PLAAT2: variants seen among roughly 807,000 people sequenced by gnomAD.
PLAAT2 encodes the protein HRAS like suppressor 2.
Under a neutral mutation model 12.8 loss-of-function variants are expected in PLAAT2, and 12 were observed. The observed-to-expected ratio is 0.94, with a 90% CI of 0.60 to 1.52. The LOEUF (loss-of-function observed/expected upper bound fraction) is 1.52. Ranked by LOEUF, PLAAT2 falls within the 40% of genes most tolerant of loss-of-function variation. The pLI is 0.00. For missense variants in PLAAT2, 166 were observed against 208.1 expected (o/e 0.80, Z 1.24); for synonymous variants, 79 against 86.8 (o/e 0.91, Z 0.50).
upstream of PLAAT2, among the ~76,000 whole-genome samples, chr11:63,564,611 T>C (rs1004040857): frequency 2.6e-5 from 4 of 152,230 alleles, no homozygotes; most frequent in Admixed American, 6.5e-5. Context: ...AGACGGCCTC[T>C]CTCAGCACCT....
Position 63,552,912 on chromosome 11 carries a change from TAA to T in PLAAT2, c.*50_*51del, listed in dbSNP as rs1308070994. ...TAAACCAAACTCCACTCCTGCTGGC[TAA>T]ATAATATTCCTCCGTAAGAATTGGT... On this transcript the variant is annotated 3_prime_UTR_variant, in exon 4 of 4. Coordinates refer to ENST00000255695, the MANE Select transcript of PLAAT2 (RefSeq NM_017878.2). The T allele has an allele frequency of 1.4e-5, 17 of 1,243,080 alleles. No homozygotes were observed. The South Asian group carries it at 1.9e-4, about 14-fold the overall frequency. 77.0% of individuals were successfully genotyped at this position (1,243,080 alleles called of 1,614,324 possible).
chr11:63,557,290 C>T (rs564858339), intron 3 of PLAAT2, among the ~76,000 whole-genome samples: 43 of 152,192 alleles, frequency 2.8e-4, no homozygotes, highest in African/African-American at 1.0e-3. Context: ...CCAAGGGAGG[C>T]CGAGTCAAGG....
intron 3 of PLAAT2, among the ~76,000 whole-genome samples, chr11:63,553,325 C>T (rs773681064): frequency 6.6e-6 from 1 of 151,986 alleles, no homozygotes; most frequent in Non-Finnish European, 1.5e-5. Flanking sequence ...AGGAGGAAAA[C>T]CAGATGCACC....
intron 3 of PLAAT2, among the ~76,000 whole-genome samples, chr11:63,555,569 G>C (rs1034117497): frequency 1.3e-5 from 2 of 152,246 alleles, no homozygotes; most frequent in Middle Eastern, 3.4e-3. Context: ...GCGTGTGCCT[G>C]TAGTCCCATC....
At position 63,556,712 on chromosome 11, in the gene PLAAT2, C is replaced by T. The variant is rs189346575; in HGVS notation, c.387+1680G>A. 7.9e-5 allele frequency among the ~76,000 whole-genome samples: 12 copies of T among 152,318 alleles called. No individual in the cohort carries two copies. In the East Asian group the frequency reaches 2.3e-3, roughly 29 times the overall value. ...CCCCTTTTTATCACCTCTCCTTCTC[C>T]TATCATACAACAGAACAGCTAAATC... On this transcript the variant is annotated intron_variant, in intron 3 of 3. Coordinates refer to ENST00000255695, the MANE Select transcript of PLAAT2 (RefSeq NM_017878.2).
intron 3 of PLAAT2, among the ~76,000 whole-genome samples, chr11:63,557,317 G>T (rs1033988824): frequency 6.6e-6 from 1 of 152,126 alleles, no homozygotes; most frequent in South Asian, 2.1e-4. Context: ...CTTGAGCCCA[G>T]GAGTTCAAGA....
chr11:63,553,114 CG>C (rs1565238836), intron 3 of PLAAT2, 49 bp from the exon 4 acceptor site: 1 of 1,151,188 alleles, frequency 8.7e-7, no homozygotes. Flanking sequence ...GGCGGGACCA[CG>C]ATACATACAC....
chr11:63,562,052 T>G (rs2017524108), intron 1 of PLAAT2, among the ~76,000 whole-genome samples: 1 of 152,162 alleles, frequency 6.6e-6, no homozygotes, highest in Non-Finnish European at 1.5e-5. Flanking sequence ...TGAATTGTCC[T>G]CACGGAATGC....
upstream of PLAAT2, chr11:63,563,386 G>C: frequency 1.9e-6 from 3 of 1,607,792 alleles, no homozygotes; most frequent in Non-Finnish European, 2.6e-6. Context: ...AATTAGCTCT[G>C]AGTTTCACTT....
intron 1 of PLAAT2, among the ~76,000 whole-genome samples, chr11:63,562,542 G>A (rs545910584): frequency 1.1e-4 from 16 of 152,192 alleles, no homozygotes; most frequent in Admixed American, 6.5e-4. Flanking sequence ...TTTTTAAGTC[G>A]AAGCTTTAGA....
At chr11:63,555,078 AG>A (rs2017454645) in intron 3 of PLAAT2, among the ~76,000 whole-genome samples, 1 of 152,196 alleles carries the variant, frequency 6.6e-6, no homozygotes, top group South Asian at 2.1e-4. Flanking sequence ...ACAAAGGATT[AG>A]TCCCTGAATA....
chr11:63,563,405 A>T, upstream of PLAAT2: 1 of 1,579,406 alleles, frequency 6.3e-7, no homozygotes, highest in East Asian at 2.2e-5. Flanking sequence ...TTTCCCTGTG[A>T]CCCAGCCCAT....
upstream of PLAAT2, chr11:63,563,388 G>A: frequency 6.2e-7 from 1 of 1,606,282 alleles, no homozygotes; most frequent in Non-Finnish European, 8.5e-7. Context: ...TTAGCTCTGA[G>A]TTTCACTTTC....
intron 3 of PLAAT2, among the ~76,000 whole-genome samples, chr11:63,556,156 C>G (rs1344681474): frequency 6.6e-6 from 1 of 152,132 alleles, no homozygotes; most frequent in African/African-American, 2.4e-5. Flanking sequence ...TCTTACAGAG[C>G]AAGAGCTAGA....
rs1326928788 is a variant in PLAAT2 at position 63,552,911 on chromosome 11, C to T, written c.*53G>A. ...GTAAACCAAACTCCACTCCTGCTGGCTAAATAATATTCCTCCGTAAGAATT... is the reference window on the plus strand; with the variant it reads ...GTAAACCAAACTCCACTCCTGCTGGTTAAATAATATTCCTCCGTAAGAATT... On this transcript the variant is annotated 3_prime_UTR_variant, in exon 4 of 4. Coordinates refer to ENST00000255695, the MANE Select transcript of PLAAT2 (RefSeq NM_017878.2). 2.4e-6 allele frequency: 3 copies of T among 1,241,476 alleles called. No individual in the cohort carries two copies. The East Asian group carries it at 7.0e-5, about 29-fold the overall frequency. The allele number at this position is 1,241,476 out of a possible 1,614,324, so 76.9% of individuals were successfully genotyped here.
chr11:63,562,995 G>A (rs2017531806), intron 1 of PLAAT2, among the ~76,000 whole-genome samples: 1 of 152,226 alleles, frequency 6.6e-6, no homozygotes, highest in Non-Finnish European at 1.5e-5. Flanking sequence ...CTCTCCCTGA[G>A]CCCACCATTC....
At chr11:63,554,947 C>G (rs1355706631) in intron 3 of PLAAT2, among the ~76,000 whole-genome samples, 1 of 152,204 alleles carries the variant, frequency 6.6e-6, no homozygotes, top group Non-Finnish European at 1.5e-5. Flanking sequence ...TCTCTACTGA[C>G]AGCAGGGAAA....
At chr11:63,558,264 T>G in intron 3 of PLAAT2, 128 bp downstream of exon 3, 2 of 1,055,326 alleles carry the variant, frequency 1.9e-6, no homozygotes, top group Non-Finnish European at 2.7e-6. Context: ...AGGACAACAG[T>G]TTCATATCTG....
In PLAAT2 at chr11:63,556,792, C is replaced by T. The variant is rs113264317; in HGVS notation, c.387+1600G>A. 2.6e-3 allele frequency among the ~76,000 whole-genome samples: 394 copies of T among 152,256 alleles called. 5 individuals are homozygous for T. The highest frequency in any genetic ancestry group is 9.1e-3 in the African/African-American group (378 of 41,540). ...GCTAAGGTGTAAACACTCCTAGTCA[C>T]CAGTAAGGGAGGATTCAAGAATGCA... On this transcript the variant is annotated intron_variant, in intron 3 of 3. Coordinates refer to ENST00000255695, the MANE Select transcript of PLAAT2 (RefSeq NM_017878.2).
Sources: allele counts gnomAD v4.1 joint callset (sites outside exome capture counted in the v4.1 genomes callset), GRCh38; gene constraint gnomAD v4.1.1; transcripts MANE v1.5; gene names NCBI Gene and HGNC (gene_info 2026-07-23, HGNC 2026-07-21).